The following HMCN1 variants were observed in gnomAD, a reference collection of about 807,000 sequenced individuals.
HMCN1 encodes hemicentin 1, also known as hemicentin-1.
Under a neutral mutation model 625.9 loss-of-function variants are expected in HMCN1, and 321 were observed. The ratio of observed to expected loss-of-function variants is 0.51; its 90% CI spans 0.47 to 0.56. The LOEUF is 0.56. Among genes scored for constraint, HMCN1 ranks in the 20% least tolerant of loss-of-function variants. The pLI, the probability that HMCN1 is intolerant of heterozygous loss-of-function variation, is 0.00. For missense variants in HMCN1, 6,588 were observed against 6,887.3 expected, an observed-to-expected ratio of 0.96 and a Z score of 1.54; for synonymous variants, 2,425 against 2,417.6, an observed-to-expected ratio of 1.00 and a Z score of -0.09.
rs1388272680 is a variant in HMCN1 at position 186,045,739 on chromosome 1, A to G, written c.6356A>G (p.Gln2119Arg). Residue 2119 changes from glutamine (Q) to arginine (R), a missense_variant, in exon 41 of 107, where the codon CAA (glutamine) becomes CGA (arginine). Gln to Arg is a conservative substitution (Grantham distance 43). Coordinates refer to ENST00000271588, the MANE Select transcript of HMCN1 (RefSeq NM_031935.3). ...CAGAATGTCTCTGTCCTCATTAGCC[A>G]AGCTGTGGAATTACTATGTCAAAGT... The part of the protein sequence containing the change: ...EEQNVSVLIS[Q>R]AVELLCQSDA... 6.8e-6 allele frequency: 11 copies of G among 1,613,260 alleles called. No individual in the cohort carries two copies. Among genetic ancestry groups the G allele is most frequent in the Non-Finnish European group, 8.5e-6 (10 of 1,179,498 alleles).
intron 4 of HMCN1, among the ~76,000 whole-genome samples, chr1:185,878,798 T>C (rs1664112087): frequency 6.6e-6 from 1 of 152,208 alleles, no homozygotes; most frequent in African/African-American, 2.4e-5. Context: ...TAACTGAATG[T>C]TTTGAATGAA....
intron 4 of HMCN1, among the ~76,000 whole-genome samples, chr1:185,867,083 G>A (rs1278393374): frequency 1.3e-5 from 2 of 152,028 alleles, no homozygotes; most frequent in Non-Finnish European, 2.9e-5. Context: ...GGAACTAATA[G>A]GACATTACAA....
intron 30 of HMCN1, among the ~76,000 whole-genome samples, chr1:186,011,968 T>C (rs1654029746): frequency 6.6e-6 from 1 of 152,150 alleles, no homozygotes; most frequent in East Asian, 1.9e-4. Context: ...AAAAGTACAA[T>C]GAAACTTCAT....
At chr1:185,932,389 A>T (rs1463276114) in intron 10 of HMCN1, among the ~76,000 whole-genome samples, 1 of 152,182 alleles carries the variant, frequency 6.6e-6, no homozygotes, top group Non-Finnish European at 1.5e-5. Flanking sequence ...GCACTCATAT[A>T]TAGTTTTAAA....
chr1:185,977,733 A>C lies in HMCN1; in HGVS notation c.2372-54A>C, dbSNP rs1651319140. Reference sequence around the variant, plus strand: ...CAGTTTAATATTTAAGTTTATGTTTAATATGCCTGTATAATATACCGATGA... The same window carrying C: ...CAGTTTAATATTTAAGTTTATGTTTCATATGCCTGTATAATATACCGATGA... On this transcript the variant is annotated intron_variant, in intron 15 of 106. Coordinates refer to ENST00000271588, the MANE Select transcript of HMCN1 (RefSeq NM_031935.3). 4.7e-6 allele frequency: 5 copies of C among 1,055,234 alleles called. No homozygotes were observed. In the Admixed American group the frequency reaches 8.5e-5, roughly 18 times the overall value. The allele number at this position is 1,055,234 out of a possible 1,614,324, so 65.4% of individuals were successfully genotyped here. A position where few individuals can be genotyped will look rare whatever the true frequency, so the allele number is the denominator to read the frequency against.
intron 100 of HMCN1, among the ~76,000 whole-genome samples, chr1:186,169,092 T>C (rs1296322312): frequency 6.6e-6 from 1 of 152,182 alleles, no homozygotes; most frequent in Non-Finnish European, 1.5e-5. Context: ...GCAAAGGACA[T>C]GAACTTATCC....
At chr1:185,791,935 C>T (rs2102202116) in intron 1 of HMCN1, among the ~76,000 whole-genome samples, 1 of 152,126 alleles carries the variant, frequency 6.6e-6, no homozygotes, top group Admixed American at 6.5e-5. Context: ...AGGTGTAGGC[C>T]AACAGGAAAT....
chr1:186,119,020 G>C (rs1423622401), intron 77 of HMCN1, among the ~76,000 whole-genome samples, 171 bp from the exon 78 acceptor site: 2 of 152,098 alleles, frequency 1.3e-5, no homozygotes, highest in East Asian at 3.8e-4. Flanking sequence ...CCTCAATAAA[G>C]CTGTTAGTAA....
intron 100 of HMCN1, among the ~76,000 whole-genome samples, chr1:186,169,129 G>A (rs1652068243): frequency 6.6e-6 from 1 of 152,122 alleles, no homozygotes; most frequent in African/African-American, 2.4e-5. Context: ...GTATTCCGTG[G>A]TGTATATGTG....
intron 28 of HMCN1, 134 bp downstream of exon 28, chr1:186,001,875 C>T (rs1653225882): frequency 1.3e-6 from 1 of 793,074 alleles, no homozygotes; most frequent in Non-Finnish European, 2.0e-6. Flanking sequence ...TTATTTTTGT[C>T]CTTATTATTT....
intron 1 of HMCN1, among the ~76,000 whole-genome samples, chr1:185,810,013 CTT>C (rs1388430189): frequency 2.0e-5 from 3 of 152,102 alleles, no homozygotes; most frequent in African/African-American, 7.2e-5. Context: ...GAAATAAACA[CTT>C]GAATAAACAA....
chr1:185,908,142 C>A (rs1666200280), intron 4 of HMCN1, among the ~76,000 whole-genome samples: 1 of 151,122 alleles, frequency 6.6e-6, no homozygotes, highest in South Asian at 2.1e-4. Flanking sequence ...TGAACAAAAA[C>A]ATTTATTTTA....
At chr1:186,186,990 T>C (rs1222021646) in intron 105 of HMCN1, among the ~76,000 whole-genome samples, 1 of 93,556 alleles carries the variant, frequency 1.1e-5, no homozygotes, top group African/African-American at 5.3e-5. Context: ...TCTCTGTCTC[T>C]GTCTCACACA....
At chr1:185,881,977 G>C (rs1664337402) in intron 4 of HMCN1, among the ~76,000 whole-genome samples, 1 of 152,182 alleles carries the variant, frequency 6.6e-6, no homozygotes, top group South Asian at 2.1e-4. Context: ...GGCCTGGAAA[G>C]TTGAAGTTCT....
At chr1:185,875,947 C>T (rs761615331) in intron 4 of HMCN1, among the ~76,000 whole-genome samples, 12 of 151,894 alleles carry the variant, frequency 7.9e-5, no homozygotes, top group African/African-American at 1.7e-4. Context: ...TATGGGGGCA[C>T]GTGTACAGGT....
At chr1:186,125,501 C>T (rs1661598943) in intron 81 of HMCN1, 103 bp from the exon 82 acceptor site, 5 of 848,564 alleles carry the variant, frequency 5.9e-6, no homozygotes, top group Non-Finnish European at 9.8e-6. Flanking sequence ...GTATTTCTAG[C>T]AAAATTACCC....
chr1:186,000,687 C>T (rs1052314408), intron 26 of HMCN1, among the ~76,000 whole-genome samples: 1 of 151,530 alleles, frequency 6.6e-6, no homozygotes, highest in Non-Finnish European at 1.5e-5. Context: ...TATAATAGAA[C>T]ATTATATTCA....
intron 36 of HMCN1, among the ~76,000 whole-genome samples, chr1:186,023,711 A>T (rs926643485): frequency 9.2e-5 from 14 of 152,322 alleles, no homozygotes; most frequent in African/African-American, 3.1e-4. Flanking sequence ...AGAGGGTTGG[A>T]CTTTCCTAAT....
chr1:186,163,711 T>C (rs1353901067), intron 97 of HMCN1, among the ~76,000 whole-genome samples: 1 of 152,238 alleles, frequency 6.6e-6, no homozygotes, highest in Non-Finnish European at 1.5e-5. Context: ...TAGATAATTA[T>C]AGATTTCTTA....
Sources: gnomAD v4.1 joint callset for allele counts (sites outside exome capture counted in the v4.1 genomes callset) on GRCh38, gnomAD v4.1.1 for gene constraint, MANE v1.5 for transcripts, NCBI Gene and HGNC (gene_info 2026-07-23, HGNC 2026-07-21) for gene names.